Variants in TTC28 observed in about 807,000 individuals in gnomAD.
The protein encoded by TTC28 is tetratricopeptide repeat domain 28.
In TTC28, 61 loss-of-function variants were observed where a neutral mutation model predicts 198.0. That is an observed-to-expected ratio of 0.31 (90% CI 0.25 to 0.38). TTC28 has a LOEUF of 0.38. TTC28 is among the 10% of genes least tolerant of loss of function. The probability of loss-of-function intolerance (pLI) is 1.00; values close to 1 mark genes in which losing one functional copy is unlikely to be tolerated. For synonymous variants in TTC28, 1,171 were observed against 1,297.8 expected, an observed-to-expected ratio of 0.90 and a Z score of 2.10; for missense variants, 2,678 against 3,164.0, an observed-to-expected ratio of 0.85 and a Z score of 3.69.
intron 2 of TTC28, among the ~76,000 whole-genome samples, chr22:28,574,669 A>G (rs986972162): frequency 3.3e-5 from 5 of 152,158 alleles, no homozygotes; most frequent in African/African-American, 9.7e-5. Context: ...CCTTTTCTCC[A>G]TATACTCAAC....
chr22:28,580,784 A>G (rs2050223024), intron 2 of TTC28, among the ~76,000 whole-genome samples: 1 of 152,236 alleles, frequency 6.6e-6, no homozygotes, highest in East Asian at 1.9e-4. Context: ...TTTTTGGGAG[A>G]AAACCACTGA....
chr22:28,215,530 T>C (rs191758658), intron 5 of TTC28, among the ~76,000 whole-genome samples: 2 of 152,320 alleles, frequency 1.3e-5, no homozygotes, highest in East Asian at 1.9e-4. Context: ...AATAACTTCA[T>C]TATGGAATTC....
intron 2 of TTC28, among the ~76,000 whole-genome samples, chr22:28,431,395 T>A (rs2047427486): frequency 6.6e-6 from 1 of 152,246 alleles, no homozygotes; most frequent in Non-Finnish European, 1.5e-5. Flanking sequence ...AACAAATATC[T>A]GGTTTTATTT....
In TTC28 at chr22:28,073,937, G is replaced by T. The variant is rs1348050832; in HGVS notation, c.3932+20143C>A. Among the ~76,000 whole-genome samples, 4 of 152,154 alleles carry T rather than the reference G, an allele frequency of 2.6e-5. No homozygotes were observed. In the East Asian group the frequency reaches 7.7e-4, roughly 29 times the overall value. ...GTGGTTAAATGTCTCTGAAACTCTG[G>T]GATGCTACATGGCATTATTGGAGGA... On this transcript the variant is annotated intron_variant, in intron 12 of 22. Coordinates refer to ENST00000397906, the MANE Select transcript of TTC28 (RefSeq NM_001145418.2).
At chr22:28,553,148 T>A (rs1357720394) in intron 2 of TTC28, among the ~76,000 whole-genome samples, 2 of 152,130 alleles carry the variant, frequency 1.3e-5, no homozygotes, top group South Asian at 2.1e-4. Context: ...AACCTCTACC[T>A]CCCAGCCGCC....
chr22:28,220,492 T>C (rs948450950), intron 5 of TTC28, among the ~76,000 whole-genome samples: 1 of 152,172 alleles, frequency 6.6e-6, no homozygotes, highest in African/African-American at 2.4e-5. Context: ...TTCAGTTCCT[T>C]GCAATTGTAG....
At chr22:28,097,499 G>A (rs1232537973) in intron 10 of TTC28, among the ~76,000 whole-genome samples, 1 of 152,008 alleles carries the variant, frequency 6.6e-6, no homozygotes, top group African/African-American at 2.4e-5. Flanking sequence ...TCTTTTAATC[G>A]AATTTTGAAT....
At chr22:28,032,187 TAAAATATATATATATA>T (rs1939126492) in intron 12 of TTC28, among the ~76,000 whole-genome samples, 1 of 72,888 alleles carries the variant, frequency 1.4e-5, no homozygotes, top group Non-Finnish European at 2.4e-5. Flanking sequence ...TATATATATA[TAAAATATATATATATA>T]AAATATATAT....
At chr22:28,001,255 C>T in intron 15 of TTC28, 119 bp downstream of exon 15, 1 of 1,295,520 alleles carries the variant, frequency 7.7e-7, no homozygotes, top group Non-Finnish European at 1.0e-6. Context: ...ATCATAAAAT[C>T]AACACTTTTG....
chr22:28,563,755 A>G (rs1398546345), intron 2 of TTC28, among the ~76,000 whole-genome samples: 1 of 152,220 alleles, frequency 6.6e-6, no homozygotes. Context: ...CCAAAGAGTC[A>G]AACATAGAAT....
chr22:28,081,493 ATT>A (rs35534789), intron 12 of TTC28, among the ~76,000 whole-genome samples: 95 of 125,428 alleles, frequency 7.6e-4, no homozygotes, highest in East Asian at 4.4e-3. Flanking sequence ...TGCCACCAGG[ATT>A]TTTTTTTTTT....
intron 2 of TTC28, among the ~76,000 whole-genome samples, chr22:28,519,161 CAAA>C (rs1194043228): frequency 3.9e-5 from 6 of 152,134 alleles, no homozygotes; most frequent in Non-Finnish European, 7.3e-5. Context: ...CGGAAGGTAA[CAAA>C]GAAGATGACT....
At chr22:28,097,174 A>C (rs1335362100) in intron 10 of TTC28, among the ~76,000 whole-genome samples, 1 of 152,030 alleles carries the variant, frequency 6.6e-6, no homozygotes, top group African/African-American at 2.4e-5. Flanking sequence ...CCATCCCTTT[A>C]AGCATGCCAG....
At chr22:28,066,528 T>G (rs1940761168) in intron 12 of TTC28, among the ~76,000 whole-genome samples, 1 of 152,176 alleles carries the variant, frequency 6.6e-6, no homozygotes, top group Non-Finnish European at 1.5e-5. Context: ...TTCTACTCTC[T>G]TCTTCTATGA....
At chr22:28,572,339 G>A (rs1357970280) in intron 2 of TTC28, among the ~76,000 whole-genome samples, 1 of 152,076 alleles carries the variant, frequency 6.6e-6, no homozygotes, top group Non-Finnish European at 1.5e-5. Flanking sequence ...ATTGCTCATA[G>A]CAACACTGAG....
intron 6 of TTC28, 104 bp downstream of exon 6, chr22:28,162,987 CT>C (rs1921402831): frequency 7.4e-7 from 1 of 1,359,654 alleles, no homozygotes. Flanking sequence ...TAAGGATATT[CT>C]TTTAAATATA....
At chr22:28,462,502 C>A (rs2047963949) in intron 2 of TTC28, among the ~76,000 whole-genome samples, 1 of 152,052 alleles carries the variant, frequency 6.6e-6, no homozygotes, top group Admixed American at 6.6e-5. Context: ...GGATTGTTAC[C>A]CAGAATAATG....
chr22:28,088,317 A>G (rs1941691937), intron 12 of TTC28, among the ~76,000 whole-genome samples: 2 of 152,170 alleles, frequency 1.3e-5, no homozygotes, highest in African/African-American at 4.8e-5. Context: ...AAACAGAGAT[A>G]TAGATCAATG....
chr22:28,587,823 A>G (rs2050344060), intron 2 of TTC28, among the ~76,000 whole-genome samples: 1 of 152,156 alleles, frequency 6.6e-6, no homozygotes, highest in South Asian at 2.1e-4. Context: ...CCTGAAAATT[A>G]AAAGAAAATG....
Sources: allele counts gnomAD v4.1 joint callset (sites outside exome capture counted in the v4.1 genomes callset), GRCh38; gene constraint gnomAD v4.1.1; transcripts MANE v1.5; gene names NCBI Gene and HGNC (gene_info 2026-07-23, HGNC 2026-07-21).